SHROOM3: variants seen among roughly 807,000 people sequenced by gnomAD.
SHROOM3 encodes protein Shroom3.
In SHROOM3, 47 loss-of-function variants were observed where a neutral mutation model predicts 138.6. The ratio of observed to expected loss-of-function variants is 0.34; its 90% CI spans 0.27 to 0.43. SHROOM3 has a LOEUF of 0.43. SHROOM3 is among the 20% of genes least tolerant of loss of function. The probability of loss-of-function intolerance (pLI) is 1.00; values close to 1 mark genes in which losing one functional copy is unlikely to be tolerated. For missense variants in SHROOM3, 2,491 were observed against 2,596.5 expected (o/e 0.96, Z 0.88); for synonymous variants, 1,062 against 1,063.3 (o/e 1.00, Z 0.02).
In SHROOM3 at chr4:76,681,594, G is replaced by GGGGTGTGT. The variant is rs1553936165; in HGVS notation, c.324-28561_324-28560insGGTGTGTG. 5.4e-3 allele frequency among the ~76,000 whole-genome samples: 439 copies of GGGGTGTGT among 81,068 alleles called. 6 individuals are homozygous for GGGGTGTGT. Among genetic ancestry groups the GGGGTGTGT allele is most frequent in the Non-Finnish European group, 6.8e-3 (302 of 44,306 alleles). 53.2% of individuals were successfully genotyped at this position (81,068 alleles called of 152,430 possible). Reference sequence around the variant, plus strand: ...TGTAAGAAGCTTAGGCAGAGTCTAGGGTGTGTGTGTGTGTGTGTGTGTGTG... The same window carrying GGGGTGTGT: ...TGTAAGAAGCTTAGGCAGAGTCTAGGGGGTGTGTGTGTGTGTGTGTGTGTGTGTGTGTG... On this transcript the variant is annotated intron_variant, in intron 2 of 10. Coordinates refer to ENST00000296043, the MANE Select transcript of SHROOM3 (RefSeq NM_020859.4).
In SHROOM3 at chr4:76,741,062, G is replaced by C; in HGVS notation, c.2889G>C (p.Ser963=). The change falls in exon 5 of 11, where the codon TCG becomes TCC. Residue 963 remains serine (S), a synonymous_variant. Coordinates refer to ENST00000296043, the MANE Select transcript of SHROOM3 (RefSeq NM_020859.4). The surrounding 1 kb of genome is among the most constrained non-coding windows in gnomAD (Gnocchi z 6.2). ...GGTCCTGGCGGCCACGGCCTTCCTC[G>C]GCCCACGTGGGGCTGCGGAGCCCCG... ...ASRSWRPRPS[S]AHVGLRSPEA... The C allele has an allele frequency of 6.6e-7, 1 of 1,507,264 alleles. No homozygotes were observed. The highest frequency in any genetic ancestry group is 8.8e-7 in the Non-Finnish European group (1 of 1,131,836). The allele number at this position is 1,507,264 out of a possible 1,614,324, so 93.4% of individuals were successfully genotyped here.
intron 1 of SHROOM3, among the ~76,000 whole-genome samples, chr4:76,548,038 G>A (rs925220648): frequency 4.6e-5 from 7 of 152,080 alleles, no homozygotes; most frequent in African/African-American, 1.7e-4. Context: ...AAATTTTAAA[G>A]CGGTAGCTAG....
intron 2 of SHROOM3, among the ~76,000 whole-genome samples, chr4:76,599,064 T>A (rs1473271036): frequency 2.0e-5 from 3 of 151,972 alleles, no homozygotes; most frequent in Admixed American, 6.6e-5. Context: ...GCTGCTTGGG[T>A]GCAGGGGTGC....
chr4:76,441,090 T>TTTTTTG (rs1553913347), intron 1 of SHROOM3, among the ~76,000 whole-genome samples: 17 of 130,174 alleles, frequency 1.3e-4, no homozygotes, highest in Non-Finnish European at 2.3e-4. Context: ...CAATTTGTTT[T>TTTTTTG]TTTTTTTTTT....
At chr4:76,601,474 A>C (rs1210839318) in intron 2 of SHROOM3, among the ~76,000 whole-genome samples, 5 of 152,158 alleles carry the variant, frequency 3.3e-5, no homozygotes, top group Non-Finnish European at 5.9e-5. Context: ...CCATCCTGTT[A>C]ATTGAAATTA....
intron 3 of SHROOM3, among the ~76,000 whole-genome samples, chr4:76,728,215 GTATGGTGA>G (rs1720767397): frequency 6.6e-6 from 1 of 152,126 alleles, no homozygotes; most frequent in Non-Finnish European, 1.5e-5. Context: ...GATTAGAGAG[GTATGGTGA>G]TATGGTTTGG....
intron 3 of SHROOM3, among the ~76,000 whole-genome samples, chr4:76,722,857 T>G (rs1051414929): frequency 4.6e-5 from 7 of 152,092 alleles, no homozygotes; most frequent in African/African-American, 1.7e-4. Flanking sequence ...TGTCTCATAG[T>G]ATTGCGCACT....
At chr4:76,734,087 C>A (rs1212498729) in intron 4 of SHROOM3, among the ~76,000 whole-genome samples, 1 of 152,098 alleles carries the variant, frequency 6.6e-6, no homozygotes, top group Non-Finnish European at 1.5e-5. Context: ...TTCATTCATT[C>A]AACAAATCTG....
At chr4:76,527,596 A>C (rs1171124236) in intron 1 of SHROOM3, among the ~76,000 whole-genome samples, 1 of 152,232 alleles carries the variant, frequency 6.6e-6, no homozygotes, top group East Asian at 1.9e-4. Flanking sequence ...ATGTAACAGA[A>C]AACTAACTCC....
At chr4:76,681,648 A>C (rs1339994880) in intron 2 of SHROOM3, among the ~76,000 whole-genome samples, 1 of 27,148 alleles carries the variant, frequency 3.7e-5, no homozygotes, top group Non-Finnish European at 6.7e-5. Flanking sequence ...TGTCTGGATG[A>C]GATTGAACCT....
At chr4:76,717,910 C>A (rs1288238083) in intron 3 of SHROOM3, among the ~76,000 whole-genome samples, 2 of 152,156 alleles carry the variant, frequency 1.3e-5, no homozygotes, top group South Asian at 2.1e-4. Context: ...TATATTTTCT[C>A]TTATAATTCA....
In SHROOM3 at chr4:76,778,820, C is replaced by T. The variant is rs767866581; in HGVS notation, c.5634C>T (p.Tyr1878=). The part of the protein sequence containing the change: ...DASNEERSSL[Y]EKRKILAGQH... ...ATTTTCCCTGGCAGAGCTCTCTTTA[C>T]GAGAAAAGGAAGATCCTGGCTGGTC... The change falls in exon 11 of 11, where the codon TAC becomes TAT. Residue 1878 remains tyrosine, a synonymous_variant. Coordinates refer to ENST00000296043, the MANE Select transcript of SHROOM3 (RefSeq NM_020859.4). 5.0e-6 allele frequency: 8 copies of T among 1,612,112 alleles called. No homozygotes were observed. The highest frequency in any genetic ancestry group is 4.0e-5 in the African/African-American group (3 of 74,820).
In SHROOM3 at chr4:76,770,543, CAG is replaced by C. The variant is rs1722326471; in HGVS notation, c.5350-81_5350-80del. On this transcript the variant is annotated intron_variant, in intron 9 of 10. Coordinates refer to ENST00000296043, the MANE Select transcript of SHROOM3 (RefSeq NM_020859.4). ...ATATTCAGCTGAGCCTTGAAGATGACAGAAGGTGGCTGGGGGAGGTGACTTCT... is the reference window on the plus strand; with the variant it reads ...ATATTCAGCTGAGCCTTGAAGATGACAAGGTGGCTGGGGGAGGTGACTTCT... 26 of 1,538,308 alleles carry C rather than the reference CAG, an allele frequency of 1.7e-5. No individual in the cohort carries two copies. In the South Asian group the frequency reaches 3.0e-4, roughly 18 times the overall value.
At chr4:76,696,449 A>G (rs1719733222) in intron 2 of SHROOM3, among the ~76,000 whole-genome samples, 1 of 152,170 alleles carries the variant, frequency 6.6e-6, no homozygotes, top group African/African-American at 2.4e-5. Flanking sequence ...CCGCAGCTGG[A>G]TTTGTGAAAT....
chr4:76,459,495 G>A (rs1657356159), intron 1 of SHROOM3, among the ~76,000 whole-genome samples: 2 of 152,152 alleles, frequency 1.3e-5, no homozygotes, highest in South Asian at 2.1e-4. Context: ...TCGGCAGGGA[G>A]CTTTTTATTC....
chr4:76,598,510 G>A (rs933876074), intron 2 of SHROOM3, among the ~76,000 whole-genome samples: 8 of 152,188 alleles, frequency 5.3e-5, no homozygotes, highest in Non-Finnish European at 1.2e-4. Flanking sequence ...AGACAGAGAG[G>A]TACTCAAAGA....
Position 76,756,516 on chromosome 4 carries a change from G to A in SHROOM3, c.4777G>A (p.Gly1593Ser), listed in dbSNP as rs145466025. 55 of 1,613,604 alleles carry A rather than the reference G, an allele frequency of 3.4e-5. No individual in the cohort carries two copies. The highest frequency in any genetic ancestry group is 4.4e-5 in the Non-Finnish European group (52 of 1,179,984). Residue 1593 changes from glycine to serine, a missense_variant, in exon 8 of 11, where the codon GGT becomes AGT. Around this residue, in one of 4 missense-constraint regions of SHROOM3, gnomAD observed 470 missense variants for 595.0 expected, o/e 0.79. Transcript: ENST00000296043. ...CATGCCTGGTGCAGCCCATGTGGTA[G>A]GTAGTCAGACACTGGCTTCCAGACT... ...RHMPGAAHVV[G>S]SQTLASRLQT...
At chr4:76,520,990 G>A (rs1317600242) in intron 1 of SHROOM3, among the ~76,000 whole-genome samples, 2 of 152,168 alleles carry the variant, frequency 1.3e-5, no homozygotes, top group Non-Finnish European at 2.9e-5. Flanking sequence ...TTGTGGTAAC[G>A]AGGGAATACT....
rs1278258668 is a variant in SHROOM3 at position 76,595,662 on chromosome 4, C to G, written c.323+39899C>G. On this transcript the variant is annotated intron_variant, in intron 2 of 10. Transcript: ENST00000296043. ...TATCCTTGCCTACACTAGTAACTGG[C>G]AGGGAGTCAGATTACCAAGAATAGT... 2.0e-5 allele frequency among the ~76,000 whole-genome samples: 3 copies of G among 152,124 alleles called. No homozygotes were observed. In the East Asian group the frequency reaches 5.8e-4, roughly 29 times the overall value.
Sources: gnomAD v4.1 joint callset for allele counts (sites outside exome capture counted in the v4.1 genomes callset) on GRCh38, gnomAD v4.1.1 for gene constraint, gnomAD v4.1.1 regional missense constraint, Gnocchi (gnomAD v3.1) non-coding constraint, MANE v1.5 for transcripts, NCBI Gene and HGNC (gene_info 2026-07-23, HGNC 2026-07-21) for gene names.